The following ICE2 variants were observed in gnomAD, a reference collection of about 807,000 sequenced individuals.
ICE2 encodes the protein little elongation complex subunit 2.
ICE2 carries 87 observed loss-of-function variants against 105.4 expected under a neutral mutation model. That is an observed-to-expected ratio of 0.83 (90% CI 0.69 to 0.99). ICE2 has a LOEUF of 0.99. Ranked by LOEUF, ICE2 falls within the 50% of genes least tolerant of loss-of-function variation. The probability of loss-of-function intolerance (pLI) is 0.00; values close to 1 mark genes in which losing one functional copy is unlikely to be tolerated. For synonymous variants in ICE2, 399 were observed against 392.0 expected, an observed-to-expected ratio of 1.02 and a Z score of -0.21; for missense variants, 1,323 against 1,146.7, an observed-to-expected ratio of 1.15 and a Z score of -2.22.
At chr15:60,432,879 A>G (rs912450870) in intron 13 of ICE2, among the ~76,000 whole-genome samples, 7 of 152,168 alleles carry the variant, frequency 4.6e-5, no homozygotes, top group African/African-American at 1.7e-4. Flanking sequence ...GCAACAGACC[A>G]AGAATCCGCC....
At chr15:60,451,588 A>G in intron 9 of ICE2, 10 of 984,796 alleles carry the variant, frequency 1.0e-5, no homozygotes, top group Non-Finnish European at 1.1e-5. Flanking sequence ...CAAAAAAAGC[A>G]TTATCATCCT....
Position 60,468,069 on chromosome 15 carries a change from G to C in ICE2, c.400C>G (p.Gln134Glu). Residue 134 changes from glutamine (Q) to glutamate (E), a missense_variant, in exon 4 of 16, where the codon CAG (glutamine) becomes GAG (glutamate). Transcript: ENST00000261520. ...AAGAACACAATACATACCAAGTACT[G>C]CAAGTAGTCATTTTTATTTATTCCA... Reference protein sequence around the residue: ...AVGINKNDYLQYLDMKKHVNE... With the variant: ...AVGINKNDYLEYLDMKKHVNE... 2 of 1,611,638 alleles carry C rather than the reference G, an allele frequency of 1.2e-6. No homozygotes were observed. Among genetic ancestry groups the C allele is most frequent in the Non-Finnish European group, 1.7e-6 (2 of 1,178,854 alleles).
At chr15:60,454,889 T>TACCA in intron 8 of ICE2, 114 bp downstream of exon 8, 1 of 932,914 alleles carries the variant, frequency 1.1e-6, no homozygotes, top group Non-Finnish European at 1.5e-6. Flanking sequence ...CGGTGTGTGT[T>TACCA]GTTTCACTCT....
rs1183618366 is a variant in ICE2 at position 60,468,094 on chromosome 15, A to T, written c.375T>A (p.Val125=). The part of the protein sequence containing the change: ...YAKIPANSKA[V]GINKNDYLQY... ...GCAAGTAGTCATTTTTATTTATTCC[A>T]ACAGCTTTGGAATTTGCAGGAATCT... Residue 125 remains valine (V), a synonymous_variant, in exon 4 of 16, where the codon GTT becomes GTA. Transcript: ENST00000261520. 1 of 1,613,628 alleles carries T rather than the reference A, an allele frequency of 6.2e-7. No homozygotes were observed. The highest frequency in any genetic ancestry group is 1.7e-4 in the Middle Eastern group (1 of 6,054).
rs772862747 is a variant in ICE2, at chr15:60,466,553, T to C, written c.528+41A>G. ...CATATTTCAGAATGCTGCTATTGCC[T>C]ATCACTTCGCAATTTACACAAATGT... On this transcript the variant is annotated intron_variant, in intron 5 of 15. Transcript: ENST00000261520. 9 of 1,603,984 alleles carry C rather than the reference T, an allele frequency of 5.6e-6. No individual in the cohort carries two copies. The Admixed American group carries it at 1.5e-4, about 27-fold the overall frequency.
intron 15 of ICE2, among the ~76,000 whole-genome samples, chr15:60,427,283 C>A (rs895993035): frequency 6.6e-6 from 1 of 152,216 alleles, no homozygotes; most frequent in South Asian, 2.1e-4. Context: ...GTGATAGATG[C>A]TCTGGGGCAA....
intron 3 of ICE2, among the ~76,000 whole-genome samples, chr15:60,472,684 C>CT (rs2064637169): frequency 6.6e-6 from 1 of 152,130 alleles, no homozygotes; most frequent in Non-Finnish European, 1.5e-5. Context: ...CAGAAGTGGA[C>CT]TTGAAAAGAA....
chr15:60,432,289 G>C (rs1053274345), intron 13 of ICE2, among the ~76,000 whole-genome samples: 26 of 147,956 alleles, frequency 1.8e-4, no homozygotes, highest in African/African-American at 6.5e-4. Flanking sequence ...CCGGATTCAA[G>C]TGATTCTCTT....
rs767653214 is a variant in ICE2 at position 60,455,076 on chromosome 15, T to C, written c.870A>G (p.Leu290=). ...IALTSQSLFT[L]LNNHGPTYKE... ...TGTACGTTGGTCCATGATTATTTAA[T>C]AAGGTAAATAATGACTGACTAGTTA... The change falls in exon 8 of 16, where the codon TTA becomes TTG. Residue 290 remains leucine, a synonymous_variant. Transcript: ENST00000261520. 4.4e-6 allele frequency: 7 copies of C among 1,599,544 alleles called. No individual in the cohort carries two copies. The African/African-American group carries it at 8.1e-5, about 18-fold the overall frequency.
intron 3 of ICE2, among the ~76,000 whole-genome samples, chr15:60,474,971 A>G (rs563563652): frequency 1.3e-5 from 2 of 152,194 alleles, no homozygotes; most frequent in South Asian, 4.1e-4. Context: ...AACAAAACAA[A>G]AACGAAAAAG....
chr15:60,435,163 C>T (rs1290147298), intron 13 of ICE2, among the ~76,000 whole-genome samples: 1 of 152,140 alleles, frequency 6.6e-6, no homozygotes, highest in Admixed American at 6.5e-5. Context: ...CACCTGTAGT[C>T]CCAGCTACTC....
At chr15:60,432,893 AAAAACC>A (rs765566758) in intron 13 of ICE2, among the ~76,000 whole-genome samples, 4 of 152,048 alleles carry the variant, frequency 2.6e-5, no homozygotes, top group African/African-American at 4.8e-5. Context: ...ATCCGCCTCA[AAAAACC>A]AAAACCAAAA....
At chr15:60,470,290 A>T (rs541684797) in intron 3 of ICE2, among the ~76,000 whole-genome samples, 1 of 152,344 alleles carries the variant, frequency 6.6e-6, no homozygotes, top group South Asian at 2.1e-4. Context: ...AAGTGAACAC[A>T]CCAAATACAT....
intron 12 of ICE2, chr15:60,441,345 AAACAAAATACTGATT>A (rs2063716115): frequency 6.6e-6 from 1 of 152,356 alleles, no homozygotes. Flanking sequence ...TAAAACATGA[AAACAAAATACTGATT>A]AACCAAAACA....
intron 12 of ICE2, 81 bp from the exon 13 acceptor site, chr15:60,436,308 T>C: frequency 8.3e-6 from 4 of 484,634 alleles, no homozygotes; most frequent in Non-Finnish European, 1.4e-5. Flanking sequence ...CCTGTCTCCT[T>C]AAAGATTACA....
chr15:60,455,415 A>G lies in ICE2; in HGVS notation c.694T>C (p.Phe232Leu). The change falls in exon 7 of 16, where the codon TTT (phenylalanine) becomes CTT (leucine). Residue 232 changes from phenylalanine (F) to leucine (L), a missense_variant. By Grantham distance (22) the Phe-to-Leu change is conservative. Coordinates refer to ENST00000261520, the MANE Select transcript of ICE2 (RefSeq NM_024611.6). The stretch of plus-strand genomic sequence containing the variant: ...TGCAACTTTATAGGCATTGAGGGAA[A>G]TACTGTTTTCACATATTTTACACTG... ...LGSVKYVKTVFPSMPIKLQLS... is the reference protein window; with the variant it reads ...LGSVKYVKTVLPSMPIKLQLS... The G allele has an allele frequency of 6.2e-7, 1 of 1,613,530 alleles. No homozygotes were observed. The highest frequency in any genetic ancestry group is 8.5e-7 in the Non-Finnish European group (1 of 1,179,570).
chr15:60,449,964 G>A, intron 9 of ICE2, 123 bp from the exon 10 acceptor site: 1 of 706,126 alleles, frequency 1.4e-6, no homozygotes, highest in Admixed American at 2.8e-5. Flanking sequence ...AAGTCTAATG[G>A]TTGTAAAAGG....
intron 9 of ICE2, chr15:60,451,578 C>T (rs1343102956): frequency 3.0e-6 from 3 of 983,766 alleles, no homozygotes; most frequent in African/African-American, 1.8e-5. Flanking sequence ...TAATTTGAGG[C>T]AAAAAAAGCA....
In ICE2 at chr15:60,423,729, T is replaced by C. The variant is rs1230139456; in HGVS notation, c.2854A>G (p.Arg952Gly). 3 of 1,601,452 alleles carry C rather than the reference T, an allele frequency of 1.9e-6. No individual in the cohort carries two copies. Among genetic ancestry groups the C allele is most frequent in the East Asian group, 2.2e-5 (1 of 44,718 alleles). Residue 952 changes from arginine to glycine, a missense_variant, in exon 16 of 16, where the codon AGG (arginine) becomes GGG (glycine). Arg to Gly is a moderately radical substitution (Grantham distance 125). Coordinates refer to ENST00000261520, the MANE Select transcript of ICE2 (RefSeq NM_024611.6). ...TTGGTTTCCATGGAAACTGGATTCCTGTGGCTGCGTGTAGGCATTCTCGTT... is the reference window on the plus strand; with the variant it reads ...TTGGTTTCCATGGAAACTGGATTCCCGTGGCTGCGTGTAGGCATTCTCGTT... ...GGTRMPTRSH[R>G]NPVSMETKSS...
Sources: allele counts gnomAD v4.1 joint callset (sites outside exome capture counted in the v4.1 genomes callset), GRCh38; gene constraint gnomAD v4.1.1; transcripts MANE v1.5; gene names NCBI Gene and HGNC (gene_info 2026-07-23, HGNC 2026-07-21).